Variants in SGCZ observed in about 807,000 individuals in gnomAD.
SGCZ encodes the protein sarcoglycan zeta, also known as zeta-sarcoglycan.
A neutral mutation model predicts 41.3 loss-of-function variants in SGCZ; 40 were observed. That is an observed-to-expected ratio of 0.97 (90% CI 0.75 to 1.26). The LOEUF (loss-of-function observed/expected upper bound fraction) is 1.26. Among genes scored for constraint, SGCZ ranks in the 50% most tolerant of loss-of-function variants. The pLI is 0.00. For missense variants in SGCZ, 552 were observed against 369.8 expected (o/e 1.49, Z -4.04); for synonymous variants, 206 against 137.5 (o/e 1.50, Z -3.49).
chr8:14,377,159 A>C (rs994533998), intron 2 of SGCZ, among the ~76,000 whole-genome samples: 2 of 152,180 alleles, frequency 1.3e-5, no homozygotes, highest in Non-Finnish European at 2.9e-5. Flanking sequence ...ATACTCCCCA[A>C]CCTCCAGGGA....
chr8:14,445,964 A>G (rs1056889495), intron 2 of SGCZ, among the ~76,000 whole-genome samples: 6 of 152,104 alleles, frequency 3.9e-5, no homozygotes, highest in African/African-American at 1.4e-4. Context: ...GGCTGGCCAG[A>G]TCCCACACAC....
chr8:14,794,101 GA>G (rs1403274214), intron 1 of SGCZ, among the ~76,000 whole-genome samples: 1 of 152,026 alleles, frequency 6.6e-6, no homozygotes, highest in South Asian at 2.1e-4. Context: ...CATCTTCAAG[GA>G]AGTTCAAAAA....
At chr8:14,567,198 A>T (rs1375835589) in intron 1 of SGCZ, among the ~76,000 whole-genome samples, 1 of 152,146 alleles carries the variant, frequency 6.6e-6, no homozygotes, top group Non-Finnish European at 1.5e-5. Context: ...GGTCCCATGG[A>T]TCGCCCAAGG....
rs1389327978 is a variant in SGCZ, at chr8:15,237,672, A to C, written c.-49T>G. On this transcript the variant is annotated 5_prime_UTR_variant, in exon 1 of 8. Transcript: ENST00000382080. ...GAGGAACCGGGCGAGTGGCACCCAAAAACAATCTAGTCTTTTAGTTTCCAG... is the reference window on the plus strand; with the variant it reads ...GAGGAACCGGGCGAGTGGCACCCAACAACAATCTAGTCTTTTAGTTTCCAG... 1 of 1,554,874 alleles carries C rather than the reference A, an allele frequency of 6.4e-7. No individual in the cohort carries two copies. Among genetic ancestry groups the C allele is most frequent in the Non-Finnish European group, 8.7e-7 (1 of 1,146,788 alleles).
chr8:14,281,631 A>T (rs948234721), intron 3 of SGCZ, among the ~76,000 whole-genome samples: 8 of 152,092 alleles, frequency 5.3e-5, no homozygotes, highest in African/African-American at 1.7e-4. Flanking sequence ...AAACGGAAAT[A>T]ACATGATCAT....
chr8:15,136,994 A>G (rs1043011519), intron 1 of SGCZ, among the ~76,000 whole-genome samples: 9 of 152,174 alleles, frequency 5.9e-5, no homozygotes, highest in African/African-American at 2.2e-4. Context: ...CTTCTTAGAG[A>G]CTTGAAGGGC....
At chr8:14,795,790 C>T (rs1801106912) in intron 1 of SGCZ, among the ~76,000 whole-genome samples, 1 of 151,894 alleles carries the variant, frequency 6.6e-6, no homozygotes, top group Non-Finnish European at 1.5e-5. Context: ...AGCCTAGTAC[C>T]CATTAGTTAT....
intron 4 of SGCZ, among the ~76,000 whole-genome samples, chr8:14,215,884 G>A (rs1043251388): frequency 6.6e-5 from 10 of 152,194 alleles, no homozygotes; most frequent in African/African-American, 1.9e-4. Flanking sequence ...GGTGCAACCC[G>A]CAGACACTGG....
chr8:15,199,314 G>A (rs1800824795), intron 1 of SGCZ, among the ~76,000 whole-genome samples: 1 of 152,076 alleles, frequency 6.6e-6, no homozygotes, highest in Non-Finnish European at 1.5e-5. Flanking sequence ...AAAATCTGAA[G>A]CTCACTTTCA....
chr8:15,158,177 A>G (rs1341018208), intron 1 of SGCZ, among the ~76,000 whole-genome samples: 2 of 151,818 alleles, frequency 1.3e-5, no homozygotes, highest in Admixed American at 6.6e-5. Flanking sequence ...AAAAAAAAAA[A>G]TGGTGAAAAG....
intron 1 of SGCZ, among the ~76,000 whole-genome samples, chr8:14,808,574 G>T (rs1801630636): frequency 6.6e-6 from 1 of 152,114 alleles, no homozygotes; most frequent in African/African-American, 2.4e-5. Context: ...AAAAAGTCAG[G>T]AAACAACAGG....
intron 2 of SGCZ, among the ~76,000 whole-genome samples, chr8:14,490,592 T>C (rs1463239114): frequency 1.3e-5 from 2 of 152,216 alleles, no homozygotes; most frequent in Non-Finnish European, 2.9e-5. Flanking sequence ...TTTCATATGA[T>C]ATTAAAATTC....
At chr8:14,389,367 A>C (rs535779677) in intron 2 of SGCZ, among the ~76,000 whole-genome samples, 144 of 152,010 alleles carry the variant, frequency 9.5e-4, no homozygotes, top group Non-Finnish European at 1.5e-3. Flanking sequence ...AGATTAAAAA[A>C]GTAAATCATG....
chr8:15,104,678 C>T (rs1404795764), intron 1 of SGCZ, among the ~76,000 whole-genome samples: 1 of 109,956 alleles, frequency 9.1e-6, no homozygotes, highest in Non-Finnish European at 1.9e-5. Flanking sequence ...ACGTGTAAAA[C>T]TTGTTTTTTT....
intron 1 of SGCZ, among the ~76,000 whole-genome samples, chr8:14,606,460 T>C (rs1456012906): frequency 6.6e-6 from 1 of 152,206 alleles, no homozygotes; most frequent in Non-Finnish European, 1.5e-5. Context: ...ATTAAGTTGT[T>C]GTTGAGAACT....
intron 3 of SGCZ, among the ~76,000 whole-genome samples, chr8:14,288,842 G>C (rs147553124): frequency 6.6e-6 from 1 of 152,072 alleles, no homozygotes; most frequent in African/African-American, 2.4e-5. Flanking sequence ...CTTATCTTTT[G>C]GATGACTGTG....
chr8:14,973,391 C>A (rs1262820684), intron 1 of SGCZ, among the ~76,000 whole-genome samples: 1 of 152,110 alleles, frequency 6.6e-6, no homozygotes, highest in East Asian at 1.9e-4. Context: ...GTAAAGCCAA[C>A]TAGCAAACAT....
chr8:15,202,579 A>G (rs1274524077), intron 1 of SGCZ, among the ~76,000 whole-genome samples: 1 of 152,132 alleles, frequency 6.6e-6, no homozygotes, highest in Admixed American at 6.5e-5. Context: ...GTGCACCAAA[A>G]TCTCAGAAAT....
intron 3 of SGCZ, among the ~76,000 whole-genome samples, chr8:14,295,830 G>A (rs941278582): frequency 5.9e-5 from 9 of 152,104 alleles, no homozygotes; most frequent in Non-Finnish European, 1.0e-4. Flanking sequence ...TTTGGAGTGC[G>A]GCAGGTAGGG....
Sources: gnomAD v4.1 joint callset for allele counts (sites outside exome capture counted in the v4.1 genomes callset) on GRCh38, gnomAD v4.1.1 for gene constraint, MANE v1.5 for transcripts, NCBI Gene and HGNC (gene_info 2026-07-23, HGNC 2026-07-21) for gene names.